NR6A1: variants seen among roughly 807,000 people sequenced by gnomAD.
NR6A1 encodes the protein retinoic acid receptor-related testis-associated receptor.
Under a neutral mutation model 59.1 loss-of-function variants are expected in NR6A1, and 7 were observed. The ratio of observed to expected loss-of-function variants is 0.12; its 90% confidence interval spans 0.07 to 0.22. The LOEUF is 0.22. NR6A1 is among the 10% of genes least tolerant of loss of function. The pLI is 1.00. For missense variants in NR6A1, 468 were observed against 611.6 expected (o/e 0.77, Z 2.48); for synonymous variants, 243 against 236.1 (o/e 1.03, Z -0.27).
chr9:124,576,675 T>C (rs1368031249), intron 2 of NR6A1, among the ~76,000 whole-genome samples: 1 of 152,256 alleles, frequency 6.6e-6, no homozygotes, highest in Non-Finnish European at 1.5e-5. Context: ...TCTATAAACC[T>C]ATCTACTTTA....
rs1479271063 is a variant in NR6A1, at chr9:124,729,962, G to A, written c.142+3346C>T. Among the ~76,000 whole-genome samples the A allele has an allele frequency of 1.3e-5, 2 of 152,096 alleles. 1 individual carries two copies. Among genetic ancestry groups the A allele is most frequent in the South Asian group, 4.1e-4 (2 of 4,822 alleles). On this transcript the variant is annotated intron_variant, in intron 2 of 9. Transcript: ENST00000487099. ...CGAGTAGCTGGGATTACAGGCATGC[G>A]CCACCACAACCCAGCTAATTTTGTT... is the stretch of plus-strand genomic sequence containing the variant.
chr9:124,589,567 G>A (rs1321213038), intron 2 of NR6A1, among the ~76,000 whole-genome samples: 1 of 152,208 alleles, frequency 6.6e-6, no homozygotes, highest in Admixed American at 6.5e-5. Context: ...ACCACCTACT[G>A]GTTGCCAAGC....
chr9:124,692,377 G>T, intron 2 of NR6A1: 1 of 438,492 alleles, frequency 2.3e-6, no homozygotes, highest in South Asian at 1.7e-5. Context: ...AGAGAGGAAT[G>T]TAAGAGCATC....
intron 2 of NR6A1, chr9:124,599,484 G>T: frequency 2.1e-6 from 1 of 481,566 alleles, no homozygotes. Flanking sequence ...TGCTCAGGAA[G>T]AGAAACTACT....
At chr9:124,539,213 G>GA (rs906892678) in intron 5 of NR6A1, among the ~76,000 whole-genome samples, 120 of 147,162 alleles carry the variant, frequency 8.2e-4, no homozygotes, top group Admixed American at 1.4e-3. Flanking sequence ...CATCTCTTAA[G>GA]AAAAAAAAAA....
chr9:124,543,316 T>G (rs1285485816), intron 4 of NR6A1, among the ~76,000 whole-genome samples: 2 of 152,166 alleles, frequency 1.3e-5, no homozygotes, highest in Non-Finnish European at 2.9e-5. Context: ...CCTATCTGTT[T>G]CTCCCATTAG....
chr9:124,624,198 A>C lies in NR6A1; in HGVS notation c.143-69628T>G, dbSNP rs144034402. Among the ~76,000 whole-genome samples, 841 of 152,334 alleles carry C rather than the reference A, an allele frequency of 5.5e-3. 7 individuals are homozygous for C. Among genetic ancestry groups the C allele is most frequent in the African/African-American group, 0.019 (799 of 41,572 alleles). ...TGGTGACTCACAGGGGCAAGAGTTA[A>C]TGTACTCTTCTCTTTGCAAAGATTT... On this transcript the variant is annotated intron_variant, in intron 2 of 9. Coordinates refer to ENST00000487099, the MANE Select transcript of NR6A1 (RefSeq NM_033334.4).
intron 2 of NR6A1, among the ~76,000 whole-genome samples, chr9:124,634,587 C>T (rs1467705380): frequency 3.3e-5 from 5 of 152,046 alleles, no homozygotes; most frequent in African/African-American, 1.2e-4. Flanking sequence ...TTTGGGAGGC[C>T]AAGGCAGGTG....
At chr9:124,568,339 G>A (rs1834336716) in intron 2 of NR6A1, among the ~76,000 whole-genome samples, 1 of 151,650 alleles carries the variant, frequency 6.6e-6, no homozygotes, top group Non-Finnish European at 1.5e-5. Flanking sequence ...TACAAAAAAT[G>A]AGCCGGGTGT....
At chr9:124,716,268 T>C (rs1228838883) in intron 2 of NR6A1, among the ~76,000 whole-genome samples, 2 of 152,270 alleles carry the variant, frequency 1.3e-5, no homozygotes, top group Non-Finnish European at 2.9e-5. Context: ...TGAATATTCA[T>C]ATTAAAAAGA....
chr9:124,521,472 C>T lies in NR6A1; in HGVS notation c.*1233G>A, dbSNP rs1832800297. 6.6e-6 allele frequency: 1 copy of T among 152,402 alleles called. No individual in the cohort carries two copies. Among genetic ancestry groups the T allele is most frequent in the Non-Finnish European group, 1.5e-5 (1 of 68,224 alleles). The allele number at this position is 152,402 out of a possible 1,614,324, so 9.4% of individuals were successfully genotyped here. On this transcript the variant is annotated 3_prime_UTR_variant, in exon 10 of 10. Transcript: ENST00000487099. ...GCCTTGGGCTTTGTGTCCTGGGTCC[C>T]TGAGGAAAACTGGTCTCACTCTGGA...
chr9:124,681,111 A>G (rs1456589091), intron 2 of NR6A1, among the ~76,000 whole-genome samples: 1 of 152,216 alleles, frequency 6.6e-6, no homozygotes, highest in African/African-American at 2.4e-5. Flanking sequence ...AGGTACACAT[A>G]AAGCACTTCT....
intron 2 of NR6A1, among the ~76,000 whole-genome samples, chr9:124,728,933 T>C (rs1378623175): frequency 3.3e-5 from 5 of 152,220 alleles, no homozygotes; most frequent in African/African-American, 4.8e-5. Context: ...TGGGTTAAAC[T>C]GGACTCATTT....
intron 2 of NR6A1, among the ~76,000 whole-genome samples, chr9:124,717,383 C>T (rs1839437517): frequency 6.6e-6 from 1 of 152,152 alleles, no homozygotes. Context: ...AGGAATACTC[C>T]TCAACAATAA....
chr9:124,685,879 C>T (rs1418341106), intron 2 of NR6A1, among the ~76,000 whole-genome samples: 1 of 152,062 alleles, frequency 6.6e-6, no homozygotes, highest in African/African-American at 2.4e-5. Flanking sequence ...CAAACTAGTA[C>T]AGTATTATTT....
At chr9:124,560,630 G>A (rs866584290) in intron 2 of NR6A1, among the ~76,000 whole-genome samples, 4 of 152,074 alleles carry the variant, frequency 2.6e-5, no homozygotes, top group Middle Eastern at 3.4e-3. Context: ...GCCCAATCTC[G>A]GCTCACTGCA....
rs922378385 is a variant in NR6A1 at position 124,666,275 on chromosome 9, C to CTTTTTTTTTTTTTTTTTTTT, written c.142+67013_142+67032dup. On this transcript the variant is annotated intron_variant, in intron 2 of 9. Transcript: ENST00000487099. ...TTGGCGGAATTACCTCTATGTGGTTCTTTTTTTTTTTTTTTTTTTTTGAGA... is the reference window on the plus strand; with the variant it reads ...TTGGCGGAATTACCTCTATGTGGTTCTTTTTTTTTTTTTTTTTTTTTTTTTTTTTTTTTTTTTTTTTGAGA... Among the ~76,000 whole-genome samples, 48 of 103,046 alleles carry CTTTTTTTTTTTTTTTTTTTT rather than the reference C, an allele frequency of 4.7e-4. 4 individuals are homozygous for CTTTTTTTTTTTTTTTTTTTT. Among genetic ancestry groups the CTTTTTTTTTTTTTTTTTTTT allele is most frequent in the East Asian group, 1.9e-3 (6 of 3,128 alleles). The allele number at this position is 103,046 out of a possible 152,430, so 67.6% of individuals were successfully genotyped here.
At chr9:124,761,151 T>C (rs1335333240) in intron 1 of NR6A1, among the ~76,000 whole-genome samples, 2 of 152,244 alleles carry the variant, frequency 1.3e-5, no homozygotes, top group African/African-American at 4.8e-5. Flanking sequence ...AATTGAAGAT[T>C]TCACATGAAT....
chr9:124,692,646 G>T, intron 2 of NR6A1: 1 of 269,014 alleles, frequency 3.7e-6, no homozygotes, highest in Non-Finnish European at 8.6e-6. Context: ...CCCCAAATGT[G>T]GTCCAGTGAA....
Sources: allele counts gnomAD v4.1 joint callset (sites outside exome capture counted in the v4.1 genomes callset), GRCh38; gene constraint gnomAD v4.1.1; transcripts MANE v1.5; gene names NCBI Gene and HGNC (gene_info 2026-07-23, HGNC 2026-07-21).